Variants in MYOM1 observed in about 807,000 individuals in gnomAD.
MYOM1 encodes myomesin 1.
MYOM1 carries 164 observed loss-of-function variants against 205.3 expected under a neutral mutation model. The observed-to-expected ratio is 0.80, with a 90% CI of 0.70 to 0.91. The LOEUF (loss-of-function observed/expected upper bound fraction) is 0.91. Among genes scored for constraint, MYOM1 ranks in the 40% least tolerant of loss-of-function variants. MYOM1 has a pLI of 0.00. For synonymous variants in MYOM1, 772 were observed against 789.4 expected (o/e 0.98, Z 0.37); for missense variants, 2,011 against 2,127.3 (o/e 0.95, Z 1.08).
chr18:3,188,800 G>C lies in MYOM1; in HGVS notation c.719C>G (p.Ser240Ter). 6.2e-7 allele frequency: 1 copy of C among 1,607,150 alleles called. No homozygotes were observed. Among genetic ancestry groups the C allele is most frequent in the South Asian group, 1.1e-5 (1 of 90,816 alleles). The change falls in exon 4 of 38, where the codon TCA becomes TGA. Residue 240 changes from serine (S) to a stop codon, truncating the protein, a stop_gained. Transcript: ENST00000356443. LOFTEE classifies it high-confidence loss of function. The part of the protein sequence containing the change: ...LQQEETSEKK[S>*]RKVVIREKAE... Reference sequence around the variant, plus strand: ...CTTTTCTCGAATCACAACTTTCCTTGACTTCTTTTCAGAAGTTTCTTCCTG... The same window carrying C: ...CTTTTCTCGAATCACAACTTTCCTTCACTTCTTTTCAGAAGTTTCTTCCTG...
chr18:3,081,806 G>A (rs1195710670), intron 33 of MYOM1, among the ~76,000 whole-genome samples: 3 of 152,142 alleles, frequency 2.0e-5, no homozygotes, highest in African/African-American at 7.2e-5. Context: ...TTATGACTCA[G>A]GAAATAATAA....
At chr18:3,223,073 G>C (rs1210056957), upstream of MYOM1, among the ~76,000 whole-genome samples, 2 of 152,056 alleles carry the variant, frequency 1.3e-5, no homozygotes, top group African/African-American at 2.4e-5. Context: ...GTAGAGATGG[G>C]GTTTCACCAT....
intron 2 of MYOM1, among the ~76,000 whole-genome samples, chr18:3,212,074 G>C (rs987618667): frequency 6.6e-6 from 1 of 152,126 alleles, no homozygotes; most frequent in Non-Finnish European, 1.5e-5. Context: ...TGTGTTCTAG[G>C]TCTAAAAAAA....
the MYOM1 span, among the ~76,000 whole-genome samples, chr18:3,243,733 G>A: frequency 6.6e-6 from 1 of 152,158 alleles, no homozygotes; most frequent in African/African-American, 2.4e-5. Flanking sequence ...TGGGAAACCT[G>A]TGCAGATCAT....
intron 29 of MYOM1, among the ~76,000 whole-genome samples, chr18:3,087,904 C>T (rs918170336): frequency 3.3e-5 from 5 of 152,224 alleles, no homozygotes; most frequent in Middle Eastern, 3.4e-3. Flanking sequence ...AACTGTAATG[C>T]GACACGTGAG....
At chr18:3,111,822 T>C (rs1019344059) in intron 22 of MYOM1, among the ~76,000 whole-genome samples, 2 of 152,194 alleles carry the variant, frequency 1.3e-5, no homozygotes, top group Non-Finnish European at 2.9e-5. Flanking sequence ...GTGATAAATA[T>C]TATCTGGCCC....
At chr18:3,193,351 T>TGTATATGTAC (rs2080943730) in intron 3 of MYOM1, among the ~76,000 whole-genome samples, 2 of 105,830 alleles carry the variant, frequency 1.9e-5, no homozygotes, top group African/African-American at 6.8e-5. Flanking sequence ...CATATACATA[T>TGTATATGTAC]ATATATATAT....
chr18:3,243,277 T>C, the MYOM1 span, among the ~76,000 whole-genome samples: 1 of 152,238 alleles, frequency 6.6e-6, no homozygotes, highest in African/African-American at 2.4e-5. Flanking sequence ...ATCATAAATA[T>C]TTCATGTATG....
Position 3,071,822 on chromosome 18 carries a change from C to T in MYOM1, c.4764+12G>A. 1 of 1,594,548 alleles carries T rather than the reference C, an allele frequency of 6.3e-7. No individual in the cohort carries two copies. The highest frequency in any genetic ancestry group is 8.5e-7 in the Non-Finnish European group (1 of 1,170,294). On this transcript the variant is annotated intron_variant, in intron 37 of 37. Coordinates refer to ENST00000356443, the MANE Select transcript of MYOM1 (RefSeq NM_003803.4). ...TGCAGAAGGAGCAGGCACAGGCAGG[C>T]TTCATGCTTACCTTCCCCTCCTGGA...
rs2080537276 is a variant in MYOM1, at chr18:3,170,240, A to T, written c.1175-1259T>A. On this transcript the variant is annotated intron_variant, in intron 8 of 37. Coordinates refer to ENST00000356443, the MANE Select transcript of MYOM1 (RefSeq NM_003803.4). ...AGATCTAGTCTACAGTTAATAATTT[A>T]TTGCATATTTTCAAACAATGAGAAG... 2.0e-5 allele frequency among the ~76,000 whole-genome samples: 3 copies of T among 152,162 alleles called. No individual in the cohort carries two copies. In the South Asian group the frequency reaches 6.2e-4, roughly 31 times the overall value.
At chr18:3,229,999 AG>A in the MYOM1 span, among the ~76,000 whole-genome samples, 133 of 141,632 alleles carry the variant, frequency 9.4e-4, no homozygotes, top group African/African-American at 3.3e-3. Flanking sequence ...AAAAAAAAAA[AG>A]AAGTGAGATA....
At chr18:3,196,849 G>A (rs1185125921) in intron 2 of MYOM1, among the ~76,000 whole-genome samples, 1 of 152,170 alleles carries the variant, frequency 6.6e-6, no homozygotes, top group African/African-American at 2.4e-5. Flanking sequence ...ACTTACACCT[G>A]CATTTAATTC....
At chr18:3,195,977 G>A (rs1439983135) in intron 2 of MYOM1, among the ~76,000 whole-genome samples, 2 of 152,106 alleles carry the variant, frequency 1.3e-5, no homozygotes, top group Non-Finnish European at 2.9e-5. Flanking sequence ...TTTTTAAAAA[G>A]CATTATGATG....
At position 3,071,835 on chromosome 18, in the gene MYOM1, T is replaced by C; in HGVS notation, c.4763A>G (p.Lys1588Arg). 1.9e-6 allele frequency: 3 copies of C among 1,600,464 alleles called. No homozygotes were observed. The highest frequency in any genetic ancestry group is 2.6e-6 in the Non-Finnish European group (3 of 1,173,332). The part of the protein sequence containing the change: ...LPDVVTIQEG[K>R]ALNLTCNVWG... ...GGCACAGGCAGGCTTCATGCTTACCTTCCCCTCCTGGATGGTGACCACGTC... is the reference window on the plus strand; with the variant it reads ...GGCACAGGCAGGCTTCATGCTTACCCTCCCCTCCTGGATGGTGACCACGTC... The change falls in exon 37 of 38, where the codon AAG (lysine) becomes AGG (arginine). Residue 1588 changes from lysine to arginine, a missense_variant and splice_region_variant. Transcript: ENST00000356443.
chr18:3,223,832 C>G (rs910323885), upstream of MYOM1, among the ~76,000 whole-genome samples: 4 of 152,088 alleles, frequency 2.6e-5, no homozygotes, highest in Admixed American at 1.3e-4. Context: ...GAAAATAACC[C>G]AGAAAGGTAT....
In MYOM1 at chr18:3,184,796, G is replaced by C. The variant is rs535375286; in HGVS notation, c.929+2684C>G. ...GCTTTGCACGGGGCTCAAGGGAGTT[G>C]TTCTCTCCAAGAGCACTAACGGAGG... On this transcript the variant is annotated intron_variant, in intron 5 of 37. Coordinates refer to ENST00000356443, the MANE Select transcript of MYOM1 (RefSeq NM_003803.4). Among the ~76,000 whole-genome samples, 51 of 152,350 alleles carry C rather than the reference G, an allele frequency of 3.3e-4. 1 individual carries two copies. The South Asian group carries it at 0.01, about 30-fold the overall frequency.
intron 21 of MYOM1, among the ~76,000 whole-genome samples, chr18:3,115,209 G>C (rs1162617906): frequency 6.6e-6 from 1 of 152,046 alleles, no homozygotes; most frequent in African/African-American, 2.4e-5. Flanking sequence ...GTCCTTCCTT[G>C]AACTTTTCTC....
rs1788317350 is a variant in MYOM1, at chr18:3,179,371, A to G, written c.930-3237T>C. 6.6e-6 allele frequency among the ~76,000 whole-genome samples: 1 copy of G among 152,020 alleles called. No homozygotes were observed. Among genetic ancestry groups the G allele is most frequent in the Non-Finnish European group, 1.5e-5 (1 of 68,010 alleles). On this transcript the variant is annotated intron_variant, in intron 5 of 37. Transcript: ENST00000356443. The surrounding 1 kb of genome is among the most constrained non-coding windows in gnomAD (Gnocchi z 4.4). ...ATATGGATGATTTTATTTTAAATAA[A>G]TAGCGATGAGGTCTCACTATGTTGC... is the stretch of plus-strand genomic sequence containing the variant.
the MYOM1 span, among the ~76,000 whole-genome samples, chr18:3,231,145 T>C: frequency 7.9e-5 from 12 of 152,190 alleles, no homozygotes; most frequent in Non-Finnish European, 2.9e-5. Flanking sequence ...TCATTTCTGA[T>C]CTAAAGGTAA....
Sources: gnomAD v4.1 joint callset for allele counts (sites outside exome capture counted in the v4.1 genomes callset) on GRCh38, gnomAD v4.1.1 for gene constraint, Gnocchi (gnomAD v3.1) non-coding constraint, MANE v1.5 for transcripts, NCBI Gene and HGNC (gene_info 2026-07-23, HGNC 2026-07-21) for gene names.